The following NCAM2 variants were observed in gnomAD, a reference collection of about 807,000 sequenced individuals.
The protein encoded by NCAM2 is N-CAM-2.
NCAM2 carries 30 observed loss-of-function variants against 98.1 expected under a neutral mutation model. The observed-to-expected ratio is 0.31, with a 90% CI of 0.23 to 0.41. The LOEUF (loss-of-function observed/expected upper bound fraction) is 0.41. Ranked by LOEUF, NCAM2 falls within the 10% of genes least tolerant of loss-of-function variation. NCAM2 has a pLI of 1.00. For synonymous variants in NCAM2, 368 were observed against 342.4 expected (o/e 1.07, Z -0.83); for missense variants, 867 against 1,005.8 (o/e 0.86, Z 1.87).
intron 1 of NCAM2, among the ~76,000 whole-genome samples, chr21:21,102,894 T>C (rs1376753301): frequency 6.6e-6 from 1 of 152,216 alleles, no homozygotes; most frequent in East Asian, 1.9e-4. Flanking sequence ...TCTATAATTA[T>C]GTAATATATC....
chr21:21,252,973 A>G (rs1349933492), intron 1 of NCAM2, among the ~76,000 whole-genome samples: 3 of 152,154 alleles, frequency 2.0e-5, no homozygotes, highest in African/African-American at 7.2e-5. Context: ...TCCCAGCACT[A>G]AAAGCTAATG....
At chr21:21,488,713 A>C (rs540179960) in intron 15 of NCAM2, among the ~76,000 whole-genome samples, 3 of 151,776 alleles carry the variant, frequency 2.0e-5, no homozygotes, top group Admixed American at 2.0e-4. Flanking sequence ...AAAGGTTTAA[A>C]TTTGATATTA....
chr21:21,319,433 G>A (rs1353781823), intron 5 of NCAM2, among the ~76,000 whole-genome samples: 1 of 152,142 alleles, frequency 6.6e-6, no homozygotes, highest in South Asian at 2.1e-4. Flanking sequence ...ACGAGGTCAA[G>A]AGTTTGAGAC....
chr21:21,532,442 G>T (rs937356593), intron 16 of NCAM2, among the ~76,000 whole-genome samples: 1 of 151,974 alleles, frequency 6.6e-6, no homozygotes, highest in African/African-American at 2.4e-5. Flanking sequence ...AATAAGAATT[G>T]TAAAGGCTAC....
chr21:21,014,153 G>T (rs1220417752), intron 1 of NCAM2, among the ~76,000 whole-genome samples: 1 of 152,102 alleles, frequency 6.6e-6, no homozygotes, highest in African/African-American at 2.4e-5. Flanking sequence ...GCGTCCTTAA[G>T]AATTACGCTA....
At chr21:21,127,305 T>A (rs1396408895) in intron 1 of NCAM2, among the ~76,000 whole-genome samples, 2 of 151,996 alleles carry the variant, frequency 1.3e-5, no homozygotes, top group Non-Finnish European at 1.5e-5. Flanking sequence ...GCAAGTATAG[T>A]CAATAAATTT....
chr21:21,177,978 T>A (rs2068348984), intron 1 of NCAM2, among the ~76,000 whole-genome samples: 1 of 152,178 alleles, frequency 6.6e-6, no homozygotes, highest in African/African-American at 2.4e-5. Flanking sequence ...TCACATATTT[T>A]ATAAAAACAG....
intron 15 of NCAM2, among the ~76,000 whole-genome samples, chr21:21,504,645 G>A (rs998412967): frequency 6.6e-6 from 1 of 151,664 alleles, no homozygotes; most frequent in African/African-American, 2.4e-5. Flanking sequence ...AACTTTTATA[G>A]TTGTAACAGC....
chr21:21,410,421 A>G lies in NCAM2; in HGVS notation c.1343A>G (p.Asn448Ser). ...GTCTTACCTGCTAAAAACACGACCAATTTAAAGACTTATAGTACAGGAAGA... is the reference window on the plus strand; with the variant it reads ...GTCTTACCTGCTAAAAACACGACCAGTTTAAAGACTTATAGTACAGGAAGA... ...KLVLPAKNTT[N>S]LKTYSTGRKM... is the part of the protein sequence containing the mutation. Residue 448 changes from asparagine to serine, a missense_variant, in exon 10 of 18, where the codon AAT (asparagine) becomes AGT (serine). Asn to Ser is a conservative substitution (Grantham distance 46). This residue lies in a region of NCAM2 where 56 missense variants were observed against 39.6 expected (regional missense o/e 1.41). Coordinates refer to ENST00000400546, the MANE Select transcript of NCAM2 (RefSeq NM_004540.5). 6.3e-7 allele frequency: 1 copy of G among 1,591,576 alleles called. No individual in the cohort carries two copies. The highest frequency in any genetic ancestry group is 8.6e-7 in the Non-Finnish European group (1 of 1,168,216).
At chr21:21,444,515 T>G (rs2218431) in intron 12 of NCAM2, among the ~76,000 whole-genome samples, 20,790 of 152,126 alleles carry the variant, frequency 0.14, 1,443 homozygotes, top group Middle Eastern at 0.16. Context: ...TTTCAGAACT[T>G]GTTATTGTTC....
Position 21,117,368 on chromosome 21 carries a change from A to G in NCAM2, c.55+118750A>G, listed in dbSNP as rs536698703. ...TTCCTAGAGAAATGAAAATAAAACTATCATACAATCCAGCATTTCCATCTC... is the reference window on the plus strand; with the variant it reads ...TTCCTAGAGAAATGAAAATAAAACTGTCATACAATCCAGCATTTCCATCTC... On this transcript the variant is annotated intron_variant, in intron 1 of 17. Transcript: ENST00000400546. 9.8e-5 allele frequency among the ~76,000 whole-genome samples: 15 copies of G among 152,324 alleles called. No homozygotes were observed. The South Asian group carries it at 2.5e-3, about 25-fold the overall frequency.
chr21:21,125,712 T>TAGAGAGAGAGAG (rs1369606850), intron 1 of NCAM2, among the ~76,000 whole-genome samples: 44 of 36,068 alleles, frequency 1.2e-3, no homozygotes, highest in African/African-American at 2.4e-3. Context: ...CATATATATA[T>TAGAGAGAGAGAG]ATAGAGAGAG....
chr21:21,295,835 T>TTCTC (rs374173343), intron 5 of NCAM2, among the ~76,000 whole-genome samples: 97 of 113,040 alleles, frequency 8.6e-4, no homozygotes, highest in African/African-American at 3.4e-3. Flanking sequence ...TTTTGTCTGT[T>TTCTC]TCTCTCTCTC....
intron 1 of NCAM2, among the ~76,000 whole-genome samples, chr21:21,026,855 C>CTTTTTTTT (rs752588922): frequency 7.9e-6 from 1 of 126,814 alleles, no homozygotes; most frequent in Non-Finnish European, 1.7e-5. Flanking sequence ...TCTTCTTCTT[C>CTTTTTTTT]TTTTTTTTTT....
At position 21,079,053 on chromosome 21, in the gene NCAM2, G is replaced by T. The variant is rs534195426; in HGVS notation, c.55+80435G>T. Among the ~76,000 whole-genome samples the T allele has an allele frequency of 1.6e-4, 25 of 152,266 alleles. No individual in the cohort carries two copies. The South Asian group carries it at 5.0e-3, about 30-fold the overall frequency. Reference sequence around the variant, plus strand: ...CCTGTTGGTGATGGGGGTAAGGGAAGGGAGAGCATCAGGACAAATAGCTAA... The same window carrying T: ...CCTGTTGGTGATGGGGGTAAGGGAATGGAGAGCATCAGGACAAATAGCTAA... On this transcript the variant is annotated intron_variant, in intron 1 of 17. Transcript: ENST00000400546.
intron 1 of NCAM2, among the ~76,000 whole-genome samples, chr21:21,165,263 T>C (rs2067913853): frequency 2.0e-5 from 3 of 152,282 alleles, no homozygotes; most frequent in African/African-American, 7.2e-5. Flanking sequence ...TGACAGCACA[T>C]GCAAAGTGCT....
At chr21:21,208,382 G>C (rs1259115723) in intron 1 of NCAM2, among the ~76,000 whole-genome samples, 1 of 152,138 alleles carries the variant, frequency 6.6e-6, no homozygotes, top group African/African-American at 2.4e-5. Context: ...GGCAGCAGGG[G>C]AGGGTGGAAT....
In NCAM2 at chr21:21,467,426, T is replaced by TTATATATATATATATC. The variant is rs1305802628; in HGVS notation, c.1774+702_1774+703insATATATATATATATCT. ...GTTGTATATGTGTATATATATATCTTTTTATATATATATATATGTTAGGAC... is the reference window on the plus strand; with the variant it reads ...GTTGTATATGTGTATATATATATCTTTATATATATATATATCTTTATATATATATATATGTTAGGAC... On this transcript the variant is annotated intron_variant, in intron 13 of 17. Transcript: ENST00000400546. Among the ~76,000 whole-genome samples the TTATATATATATATATC allele has an allele frequency of 2.1e-3, 282 of 136,302 alleles. 3 individuals are homozygous for TTATATATATATATATC. In the South Asian group the frequency reaches 0.028, roughly 13 times the overall value. 89.4% of individuals were successfully genotyped at this position (136,302 alleles called of 152,430 possible).
chr21:21,185,045 T>C (rs980600846), intron 1 of NCAM2, among the ~76,000 whole-genome samples: 5 of 152,116 alleles, frequency 3.3e-5, no homozygotes, highest in Admixed American at 6.6e-5. Flanking sequence ...GTAATGTGCA[T>C]ATGCAAAATA....
Sources: gnomAD v4.1 joint callset for allele counts (sites outside exome capture counted in the v4.1 genomes callset) on GRCh38, gnomAD v4.1.1 for gene constraint, gnomAD v4.1.1 regional missense constraint, MANE v1.5 for transcripts, NCBI Gene and HGNC (gene_info 2026-07-23, HGNC 2026-07-21) for gene names.